Variants in RITA1 observed in about 807,000 individuals in gnomAD.
RITA1 encodes RBPJ interacting and tubulin associated 1.
In RITA1, 15 loss-of-function variants were observed where a neutral mutation model predicts 8.7. The ratio of observed to expected loss-of-function variants is 1.72; its 90% CI spans 1.15 to 2.65. The LOEUF is 2.65. Among genes scored for constraint, RITA1 ranks in the 30% most tolerant of loss-of-function variants. The pLI is 0.00. For missense variants in RITA1, 330 were observed against 363.8 expected, an observed-to-expected ratio of 0.91 and a Z score of 0.76; for synonymous variants, 145 against 156.2, an observed-to-expected ratio of 0.93 and a Z score of 0.53.
In RITA1 at chr12:113,186,908, G is replaced by T; in HGVS notation, c.162G>T (p.Pro54=). Residue 54 remains proline, a synonymous_variant, in exon 3 of 4, where the codon CCG becomes CCT. Transcript: ENST00000548278. ...GGCCTACCCCACCGGACTTCGATCC[G>T]CCCTGGGTGGAGAAGGCTAACAGAA... ...GTRPTPPDFD[P]PWVEKANRTR... The T allele has an allele frequency of 6.2e-7, 1 of 1,614,112 alleles. No homozygotes were observed. The highest frequency in any genetic ancestry group is 8.5e-7 in the Non-Finnish European group (1 of 1,180,014).
Position 113,186,930 on chromosome 12 carries a change from A to C in RITA1, c.184A>C (p.Arg62=), listed in dbSNP as rs528602812. The C allele has an allele frequency of 6.2e-7, 1 of 1,614,132 alleles. No homozygotes were observed. The highest frequency in any genetic ancestry group is 8.5e-7 in the Non-Finnish European group (1 of 1,180,014). The change falls in exon 3 of 4, where the codon AGA becomes CGA. Residue 62 remains arginine (R), a synonymous_variant. Transcript: ENST00000548278. ...FDPPWVEKAN[R]TRGVGKEASK... ...TCCGCCCTGGGTGGAGAAGGCTAACAGAACCAGAGGCGTGGGCAAGGAGGC... is the reference window on the plus strand; with the variant it reads ...TCCGCCCTGGGTGGAGAAGGCTAACCGAACCAGAGGCGTGGGCAAGGAGGC...
In RITA1 at chr12:113,185,912, CG is replaced by C; in HGVS notation, c.-304del. On this transcript the variant is annotated 5_prime_UTR_variant, in exon 1 of 4. Coordinates refer to ENST00000548278, the MANE Select transcript of RITA1 (RefSeq NM_032848.3). ...CCGGGCTGCAGATTGACGGGGATCC[CG>C]GATGCACCGCGCGCCCCCGCGCCCT... 1 of 1,478,006 alleles carries C rather than the reference CG, an allele frequency of 6.8e-7. No homozygotes were observed. Among genetic ancestry groups the C allele is most frequent in the Non-Finnish European group, 9.1e-7 (1 of 1,099,720 alleles). 91.6% of individuals were successfully genotyped at this position (1,478,006 alleles called of 1,614,324 possible).
At chr12:113,190,813 T>C (rs1339605678) in intron 3 of RITA1, among the ~76,000 whole-genome samples, 1 of 152,214 alleles carries the variant, frequency 6.6e-6, no homozygotes, top group Non-Finnish European at 1.5e-5. Flanking sequence ...GTCTCCACCT[T>C]AGTGCTGCTT....
Position 113,186,753 on chromosome 12 carries a change from A to G in RITA1, c.7A>G (p.Thr3Ala), listed in dbSNP as rs372995033. MK[T>A]PVELAVSGMQ... ...ACCAGGGACCACAGGCAGCATGAAG[A>G]CCCCCGTGGAGCTGGCCGTCAGTGG... The change falls in exon 3 of 4, where the codon ACC becomes GCC. Residue 3 changes from threonine (T) to alanine (A), a missense_variant. By Grantham distance (58) the Thr-to-Ala change is moderately conservative. Transcript: ENST00000548278. 4.3e-6 allele frequency: 7 copies of G among 1,611,748 alleles called. 1 individual carries two copies. The Admixed American group carries it at 1.2e-4, about 27-fold the overall frequency.
At chr12:113,187,589 C>G (rs1952552451) in intron 3 of RITA1, among the ~76,000 whole-genome samples, 1 of 151,716 alleles carries the variant, frequency 6.6e-6, no homozygotes, top group Non-Finnish European at 1.5e-5. Context: ...GAAACTGTGT[C>G]TCTATAAAAA....
In RITA1 at chr12:113,186,771, G is replaced by A. The variant is rs765082832; in HGVS notation, c.25G>A (p.Val9Ile). The A allele has an allele frequency of 2.5e-6, 4 of 1,613,430 alleles. No homozygotes were observed. Among genetic ancestry groups the A allele is most frequent in the South Asian group, 2.2e-5 (2 of 91,080 alleles). Residue 9 changes from valine to isoleucine, a missense_variant, in exon 3 of 4, where the codon GTC becomes ATC. Transcript: ENST00000548278. ...CATGAAGACCCCCGTGGAGCTGGCC[G>A]TCAGTGGGATGCAGACCCTCGGCCT... is the stretch of plus-strand genomic sequence containing the variant. The part of the protein sequence containing the change: MKTPVELA[V>I]SGMQTLGLQH...
chr12:113,190,305 C>G lies in RITA1; in HGVS notation c.303-1005C>G, dbSNP rs145129993. Among the ~76,000 whole-genome samples the G allele has an allele frequency of 7.6e-3, 1,154 of 151,874 alleles. 21 individuals are homozygous for G. The highest frequency in any genetic ancestry group is 0.025 in the African/African-American group (1,054 of 41,370). ...TGAGATTGCACCACTGCACTCCAGC[C>G]TGGGTGACAGAGCGAGACTCTGTCT... On this transcript the variant is annotated intron_variant, in intron 3 of 3. Coordinates refer to ENST00000548278, the MANE Select transcript of RITA1 (RefSeq NM_032848.3).
At position 113,191,724 on chromosome 12, in the gene RITA1, G is replaced by C. The variant is rs1396691333; in HGVS notation, c.717G>C (p.Leu239=). ...CAGGGGTGACCTTCCGGAGCCCCCTGGTGACTTCCAGGGCTCGCTCAGTTA... is the reference window on the plus strand; with the variant it reads ...CAGGGGTGACCTTCCGGAGCCCCCTCGTGACTTCCAGGGCTCGCTCAGTTA... ...STSGVTFRSP[L]VTSRARSVSI... is the part of the protein sequence containing the mutation. The change falls in exon 4 of 4, where the codon CTG becomes CTC. Residue 239 remains leucine (L), a synonymous_variant. Coordinates refer to ENST00000548278, the MANE Select transcript of RITA1 (RefSeq NM_032848.3). This position sits in a 1 kb window ranked among gnomAD's most constrained non-coding sequence, Gnocchi z 4.0. 1 of 1,613,920 alleles carries C rather than the reference G, an allele frequency of 6.2e-7. No individual in the cohort carries two copies. The highest frequency in any genetic ancestry group is 8.5e-7 in the Non-Finnish European group (1 of 1,180,020).
rs552384278 is a variant in RITA1 at position 113,188,693 on chromosome 12, C to T, written c.302+1645C>T. ...TACATGCAAGGGCCTTTTCTGTATA[C>T]ACACACACCCCTGATGTCTCTTCCT... On this transcript the variant is annotated intron_variant, in intron 3 of 3. Coordinates refer to ENST00000548278, the MANE Select transcript of RITA1 (RefSeq NM_032848.3). Among the ~76,000 whole-genome samples, 4 of 145,512 alleles carry T rather than the reference C, an allele frequency of 2.7e-5. No homozygotes were observed. The East Asian group carries it at 8.7e-4, about 32-fold the overall frequency.
intron 3 of RITA1, among the ~76,000 whole-genome samples, chr12:113,190,416 CAG>C (rs368600556): frequency 2.5e-4 from 38 of 152,088 alleles, no homozygotes; most frequent in African/African-American, 8.9e-4. Flanking sequence ...GAGGTTAAGG[CAG>C]GGGGCTGCTT....
At chr12:113,186,412 G>T in intron 2 of RITA1, 96 bp downstream of exon 2, 1 of 1,373,240 alleles carries the variant, frequency 7.3e-7, no homozygotes, top group Non-Finnish European at 9.4e-7. Flanking sequence ...TGTGTTTTCT[G>T]GTTGGTGCCT....
At chr12:113,188,786 C>CTTTTTTTTTTTTTTT (rs1566105385) in intron 3 of RITA1, among the ~76,000 whole-genome samples, 2 of 64,258 alleles carry the variant, frequency 3.1e-5, no homozygotes. Flanking sequence ...GCCTTAGTTA[C>CTTTTTTTTTTTTTTT]CTTTTTTTTT....
At position 113,191,896 on chromosome 12, in the gene RITA1, C is replaced by G; in HGVS notation, c.*79C>G. 2.0e-6 allele frequency: 3 copies of G among 1,495,236 alleles called. No homozygotes were observed. The highest frequency in any genetic ancestry group is 2.7e-6 in the Non-Finnish European group (3 of 1,116,776). 92.6% of individuals were successfully genotyped at this position (1,495,236 alleles called of 1,614,324 possible). On this transcript the variant is annotated 3_prime_UTR_variant, in exon 4 of 4. Transcript: ENST00000548278. The surrounding 1 kb of genome is among the most constrained non-coding windows in gnomAD (Gnocchi z 4.0). The stretch of plus-strand genomic sequence containing the variant: ...CCAGGGTAGGAGGACATTCATCACC[C>G]AGGGAACCCCAGGTATTAAAGAAGC...
In RITA1 at chr12:113,191,259, T is replaced by C. The variant is rs763387262; in HGVS notation, c.303-51T>C. The stretch of plus-strand genomic sequence containing the variant: ...GGTGGGTGGGAGAGCTGTTAAAGTT[T>C]TGAGGGGTTGTTCATCCCCCAGCTC... On this transcript the variant is annotated intron_variant, in intron 3 of 3. Coordinates refer to ENST00000548278, the MANE Select transcript of RITA1 (RefSeq NM_032848.3). The surrounding 1 kb of genome is among the most constrained non-coding windows in gnomAD (Gnocchi z 4.0). 2 of 1,488,910 alleles carry C rather than the reference T, an allele frequency of 1.3e-6. No homozygotes were observed. Among genetic ancestry groups the C allele is most frequent in the Non-Finnish European group, 8.9e-7 (1 of 1,124,238 alleles). 92.2% of individuals were successfully genotyped at this position (1,488,910 alleles called of 1,614,324 possible).
Position 113,191,734 on chromosome 12 carries a change from A to G in RITA1, c.727A>G (p.Arg243Gly), listed in dbSNP as rs1952607657. Residue 243 changes from arginine (R) to glycine (G), a missense_variant, in exon 4 of 4, where the codon AGG becomes GGG. By Grantham distance (125) the Arg-to-Gly change is moderately radical. Transcript: ENST00000548278. This position sits in a 1 kb window ranked among gnomAD's most constrained non-coding sequence, Gnocchi z 4.0. ...VTFRSPLVTS[R>G]ARSVSISVPS... ...CTTCCGGAGCCCCCTGGTGACTTCC[A>G]GGGCTCGCTCAGTTAGCATTTCAGT... is the stretch of plus-strand genomic sequence containing the variant. 6.2e-7 allele frequency: 1 copy of G among 1,613,914 alleles called. No homozygotes were observed. The highest frequency in any genetic ancestry group is 8.5e-7 in the Non-Finnish European group (1 of 1,179,998).
At chr12:113,187,205 A>G (rs1481534901) in intron 3 of RITA1, 157 bp downstream of exon 3, 1 of 746,470 alleles carries the variant, frequency 1.3e-6, no homozygotes, top group Non-Finnish European at 2.1e-6. Context: ...ATTCCTACCT[A>G]GGGGGATTGT....
intron 3 of RITA1, among the ~76,000 whole-genome samples, chr12:113,188,615 G>A (rs1767595921): frequency 6.6e-6 from 1 of 151,690 alleles, no homozygotes; most frequent in Non-Finnish European, 1.5e-5. Flanking sequence ...AGTTGGCCAC[G>A]TTCTCACAGT....
At chr12:113,186,141 A>T in intron 1 of RITA1, 44 bp from the exon 2 acceptor site, 2 of 1,449,280 alleles carry the variant, frequency 1.4e-6, no homozygotes, top group East Asian at 2.5e-5. Context: ...CAGTGTAGCC[A>T]AGTACACAAG....
chr12:113,191,624 A>G lies in RITA1; in HGVS notation c.617A>G (p.Asn206Ser). 1 of 1,614,014 alleles carries G rather than the reference A, an allele frequency of 6.2e-7. No individual in the cohort carries two copies. Among genetic ancestry groups the G allele is most frequent in the Non-Finnish European group, 8.5e-7 (1 of 1,179,994 alleles). Reference sequence around the variant, plus strand: ...CTTTCCCATTCCCTCACCCACCTGAATGTCCCCAGCACTGGTCATCCAGCC... The same window carrying G: ...CTTTCCCATTCCCTCACCCACCTGAGTGTCCCCAGCACTGGTCATCCAGCC... Reference protein sequence around the residue: ...RGLSHSLTHLNVPSTGHPATS... With the variant: ...RGLSHSLTHLSVPSTGHPATS... The change falls in exon 4 of 4, where the codon AAT becomes AGT. Residue 206 changes from asparagine to serine, a missense_variant. Physicochemically the swap from Asn to Ser is conservative, Grantham distance 46. Coordinates refer to ENST00000548278, the MANE Select transcript of RITA1 (RefSeq NM_032848.3). The surrounding 1 kb of genome is among the most constrained non-coding windows in gnomAD (Gnocchi z 4.0).
Sources: allele counts gnomAD v4.1 joint callset (sites outside exome capture counted in the v4.1 genomes callset), GRCh38; gene constraint gnomAD v4.1.1; non-coding constraint Gnocchi (gnomAD v3.1); transcripts MANE v1.5; gene names NCBI Gene and HGNC (gene_info 2026-07-23, HGNC 2026-07-21).